The following VPS13B variants were observed in gnomAD, a reference collection of about 807,000 sequenced individuals.
VPS13B encodes vacuolar protein sorting 13 homolog B, also known as intermembrane lipid transfer protein VPS13B.
A neutral mutation model predicts 426.4 loss-of-function variants in VPS13B; 285 were observed. That is an observed-to-expected ratio of 0.67 (90% CI 0.61 to 0.74). VPS13B has a LOEUF of 0.74. VPS13B is among the 30% of genes least tolerant of loss of function. The probability of loss-of-function intolerance (pLI) is 0.00; values close to 1 mark genes in which losing one functional copy is unlikely to be tolerated. For synonymous variants in VPS13B, 1,676 were observed against 1,676.4 expected (o/e 1.00, Z 0.01); for missense variants, 4,537 against 4,782.6 (o/e 0.95, Z 1.51).
rs1811255150 is a variant in VPS13B at position 99,766,901 on chromosome 8, A to G, written c.7178A>G (p.Lys2393Arg). ...GATATCAATCTCGTGAATGACCAGA[A>G]GAAATTAGTATCTTCAGATCTTTGG... ...LPDINLVNDQKKLVSSDLWRI... is the reference protein window; with the variant it reads ...LPDINLVNDQRKLVSSDLWRI... Residue 2393 changes from lysine (K) to arginine (R), a missense_variant, in exon 40 of 62, where the codon AAG (lysine) becomes AGG (arginine). Physicochemically the swap from Lys to Arg is conservative, Grantham distance 26. This residue lies in a region of VPS13B where 4,311 missense variants were observed against 4,474.3 expected (regional missense o/e 0.96). Coordinates refer to ENST00000357162, the MANE Select transcript of VPS13B (RefSeq NM_152564.5). 2.5e-6 allele frequency: 4 copies of G among 1,614,068 alleles called. No individual in the cohort carries two copies. The highest frequency in any genetic ancestry group is 3.4e-6 in the Non-Finnish European group (4 of 1,179,968).
chr8:99,090,422 C>T (rs1424219426), intron 3 of VPS13B, among the ~76,000 whole-genome samples: 1 of 151,992 alleles, frequency 6.6e-6, no homozygotes, highest in East Asian at 1.9e-4. Flanking sequence ...TGCAAAGCAC[C>T]ACGCCCAGCT....
chr8:99,135,419 T>C (rs943748213), intron 10 of VPS13B, among the ~76,000 whole-genome samples, 177 bp from the exon 11 acceptor site: 1 of 152,042 alleles, frequency 6.6e-6, no homozygotes, highest in Non-Finnish European at 1.5e-5. Flanking sequence ...TTCCTTTTGG[T>C]TTGTAAAAAT....
intron 33 of VPS13B, among the ~76,000 whole-genome samples, chr8:99,616,543 T>C (rs906213662): frequency 6.6e-6 from 1 of 152,144 alleles, no homozygotes; most frequent in African/African-American, 2.4e-5. Context: ...GAATGCCAGA[T>C]ATGGCCGGGC....
chr8:99,096,045 C>T (rs1176182365), intron 3 of VPS13B, among the ~76,000 whole-genome samples: 4 of 152,062 alleles, frequency 2.6e-5, no homozygotes, highest in South Asian at 2.1e-4. Flanking sequence ...AATAAGAATT[C>T]TTTGGAGATT....
chr8:99,702,652 T>G (rs1385404268), intron 36 of VPS13B, among the ~76,000 whole-genome samples: 1 of 152,152 alleles, frequency 6.6e-6, no homozygotes, highest in Non-Finnish European at 1.5e-5. Flanking sequence ...TTGATCCTTT[T>G]TGATGTGCTG....
intron 43 of VPS13B, among the ~76,000 whole-genome samples, chr8:99,808,290 GC>G (rs1044791017): frequency 6.6e-6 from 1 of 152,076 alleles, no homozygotes; most frequent in Admixed American, 6.6e-5. Context: ...GGAGGCCGAG[GC>G]AAGCGATCTT....
chr8:99,583,985 T>C (rs1162314676), intron 33 of VPS13B, among the ~76,000 whole-genome samples: 3 of 152,094 alleles, frequency 2.0e-5, no homozygotes, highest in East Asian at 3.9e-4. Context: ...TGACCTCCTA[T>C]TGGTGTTGCT....
intron 19 of VPS13B, among the ~76,000 whole-genome samples, chr8:99,309,326 A>G (rs1820821657): frequency 6.6e-6 from 1 of 152,188 alleles, no homozygotes; most frequent in South Asian, 2.1e-4. Flanking sequence ...TCTAACATGT[A>G]AGTCTTTAAT....
chr8:99,453,865 A>T (rs1818323072), intron 23 of VPS13B, among the ~76,000 whole-genome samples: 1 of 152,198 alleles, frequency 6.6e-6, no homozygotes, highest in Admixed American at 6.5e-5. Flanking sequence ...CTACAGGGAT[A>T]CGTAATTGTC....
chr8:99,386,732 G>T (rs2133300964), intron 20 of VPS13B, among the ~76,000 whole-genome samples: 1 of 152,206 alleles, frequency 6.6e-6, no homozygotes, highest in East Asian at 1.9e-4. Context: ...AATACTTTGG[G>T]AGGCAAGGTG....
At chr8:99,530,850 G>A (rs1308009308) in intron 30 of VPS13B, among the ~76,000 whole-genome samples, 2 of 152,100 alleles carry the variant, frequency 1.3e-5, no homozygotes, top group Non-Finnish European at 2.9e-5. Flanking sequence ...CACGTAATAA[G>A]TGACAGAACC....
At chr8:99,353,405 T>A (rs1317136852) in intron 19 of VPS13B, among the ~76,000 whole-genome samples, 1 of 152,192 alleles carries the variant, frequency 6.6e-6, no homozygotes, top group Non-Finnish European at 1.5e-5. Flanking sequence ...GGTGAAACAT[T>A]TAACCATGTA....
intron 45 of VPS13B, among the ~76,000 whole-genome samples, chr8:99,818,189 C>G (rs1158812965): frequency 1.3e-5 from 2 of 152,156 alleles, no homozygotes; most frequent in Non-Finnish European, 2.9e-5. Context: ...AGGATAAATT[C>G]TCTTTCATTT....
chr8:99,845,974 C>T (rs1282862889), intron 54 of VPS13B, among the ~76,000 whole-genome samples: 1 of 152,168 alleles, frequency 6.6e-6, no homozygotes, highest in East Asian at 1.9e-4. Flanking sequence ...CTGCCTTTAG[C>T]CCATTGGCCA....
rs909972028 is a variant in VPS13B, at chr8:99,767,899, A to C, written c.7247+929A>C. On this transcript the variant is annotated intron_variant, in intron 40 of 61. Coordinates refer to ENST00000357162, the MANE Select transcript of VPS13B (RefSeq NM_152564.5). The stretch of plus-strand genomic sequence containing the variant: ...AGCCGTGATCTCACCACTGCACTCC[A>C]GCCTGGGTGACAAAGCAAGACCCTG... 5.9e-5 allele frequency among the ~76,000 whole-genome samples: 9 copies of C among 152,178 alleles called. No homozygotes were observed. The East Asian group carries it at 1.7e-3, about 29-fold the overall frequency.
Position 99,134,618 on chromosome 8 carries a change from C to A in VPS13B, c.1207-14C>A, listed in dbSNP as rs374261196. On this transcript the variant is annotated splice_polypyrimidine_tract_variant and intron_variant, in intron 8 of 61. Coordinates refer to ENST00000357162, the MANE Select transcript of VPS13B (RefSeq NM_152564.5). ...TACTAAATTTGATTTACTTAATATT[C>A]TTATATTTCTTAGCTCACAGAAATG... is the stretch of plus-strand genomic sequence containing the variant. 8 of 1,572,864 alleles carry A rather than the reference C, an allele frequency of 5.1e-6. 2 individuals are homozygous for A. In the South Asian group the frequency reaches 8.0e-5, roughly 16 times the overall value.
chr8:99,579,436 C>T (rs928252830), intron 33 of VPS13B, among the ~76,000 whole-genome samples: 3 of 152,072 alleles, frequency 2.0e-5, no homozygotes, highest in South Asian at 4.1e-4. Flanking sequence ...CTTGCACTGT[C>T]GCCTGGGCTG....
At chr8:99,716,000 ATTTG>A (rs1832902880) in intron 36 of VPS13B, among the ~76,000 whole-genome samples, 1 of 151,630 alleles carries the variant, frequency 6.6e-6, no homozygotes. Flanking sequence ...TTGCTTGTTT[ATTTG>A]TTTGTTTAGA....
At chr8:99,313,543 G>T (rs189295648) in intron 19 of VPS13B, among the ~76,000 whole-genome samples, 1 of 152,116 alleles carries the variant, frequency 6.6e-6, no homozygotes, top group Non-Finnish European at 1.5e-5. Flanking sequence ...CGTCTCAGAG[G>T]GGTAGCCGGC....
Sources: allele counts gnomAD v4.1 joint callset (sites outside exome capture counted in the v4.1 genomes callset), GRCh38; gene constraint gnomAD v4.1.1; regional missense constraint gnomAD v4.1.1; transcripts MANE v1.5; gene names NCBI Gene and HGNC (gene_info 2026-07-23, HGNC 2026-07-21).